The following GRID2 variants were observed in gnomAD, a reference collection of about 807,000 sequenced individuals.
GRID2 encodes the protein glutamate receptor ionotropic, delta-2.
In GRID2, 33 loss-of-function variants were observed where a neutral mutation model predicts 114.8. That is an observed-to-expected ratio of 0.29 (90% CI 0.22 to 0.38). The LOEUF (loss-of-function observed/expected upper bound fraction) is 0.38. GRID2 is among the 10% of genes least tolerant of loss of function. The probability of loss-of-function intolerance (pLI) is 1.00; values close to 1 mark genes in which losing one functional copy is unlikely to be tolerated. For missense variants in GRID2, 1,184 were observed against 1,257.7 expected, an observed-to-expected ratio of 0.94 and a Z score of 0.89; for synonymous variants, 505 against 449.9, an observed-to-expected ratio of 1.12 and a Z score of -1.55.
chr4:92,577,668 A>G (rs1727962478), intron 1 of GRID2, among the ~76,000 whole-genome samples: 1 of 152,172 alleles, frequency 6.6e-6, no homozygotes, highest in South Asian at 2.1e-4. Flanking sequence ...TCCAGTTGAA[A>G]GGACTACAGG....
intron 2 of GRID2, among the ~76,000 whole-genome samples, chr4:92,963,059 AC>A (rs1752925144): frequency 1.3e-5 from 2 of 152,136 alleles, no homozygotes; most frequent in South Asian, 4.1e-4. Context: ...GTCTAAAAAA[AC>A]AACATGAATA....
intron 1 of GRID2, among the ~76,000 whole-genome samples, chr4:92,568,826 T>C (rs1433395058): frequency 6.6e-6 from 1 of 152,072 alleles, no homozygotes; most frequent in Admixed American, 6.6e-5. Flanking sequence ...GTGCTATATT[T>C]GGTTTTCTGT....
intron 4 of GRID2, among the ~76,000 whole-genome samples, chr4:93,143,985 A>T (rs948102238): frequency 1.3e-5 from 2 of 152,202 alleles, no homozygotes; most frequent in Admixed American, 1.3e-4. Flanking sequence ...AATTATGAAC[A>T]ACTAAAGACA....
rs984660593 is a variant in GRID2, at chr4:93,727,814, T to C, written c.2361-41396T>C. 3.9e-5 allele frequency among the ~76,000 whole-genome samples: 6 copies of C among 152,364 alleles called. No homozygotes were observed. The East Asian group carries it at 9.6e-4, about 24-fold the overall frequency. On this transcript the variant is annotated intron_variant, in intron 14 of 15. Coordinates refer to ENST00000282020, the MANE Select transcript of GRID2 (RefSeq NM_001510.4). The stretch of plus-strand genomic sequence containing the variant: ...ATTCTCTGATGGTAGTTTGTATTTC[T>C]GGGGATCGGTGATGATATCCCCTTT...
At chr4:92,938,723 C>T (rs2149531415) in intron 2 of GRID2, among the ~76,000 whole-genome samples, 1 of 143,232 alleles carries the variant, frequency 7.0e-6, no homozygotes, top group Non-Finnish European at 1.5e-5. Context: ...CCAGCCCCCA[C>T]CCCACAACAG....
intron 13 of GRID2, among the ~76,000 whole-genome samples, chr4:93,516,240 G>T (rs1416079884): frequency 2.0e-5 from 3 of 152,094 alleles, no homozygotes; most frequent in Non-Finnish European, 4.4e-5. Context: ...CTCCAAGTCT[G>T]TGTTTCCTGT....
intron 8 of GRID2, among the ~76,000 whole-genome samples, chr4:93,374,406 A>C (rs1763193380): frequency 6.6e-6 from 1 of 152,258 alleles, no homozygotes; most frequent in Non-Finnish European, 1.5e-5. Context: ...ACAAAGGAAT[A>C]ATTGGTGGAT....
chr4:93,283,013 A>G (rs551108275), intron 8 of GRID2, among the ~76,000 whole-genome samples: 1 of 152,062 alleles, frequency 6.6e-6, no homozygotes, highest in Non-Finnish European at 1.5e-5. Flanking sequence ...TGCACTTATG[A>G]CCTAAACAGC....
At chr4:93,376,115 A>G (rs1763357060) in intron 8 of GRID2, among the ~76,000 whole-genome samples, 1 of 152,150 alleles carries the variant, frequency 6.6e-6, no homozygotes, top group Non-Finnish European at 1.5e-5. Context: ...TCACTTAACC[A>G]TAATTATCTT....
At chr4:92,944,888 T>G (rs1751502528) in intron 2 of GRID2, among the ~76,000 whole-genome samples, 1 of 152,176 alleles carries the variant, frequency 6.6e-6, no homozygotes, top group Admixed American at 6.6e-5. Context: ...AATGTATAGC[T>G]TCTAATGTTC....
At chr4:92,682,049 T>A (rs1264593324) in intron 2 of GRID2, among the ~76,000 whole-genome samples, 1 of 151,316 alleles carries the variant, frequency 6.6e-6, no homozygotes, top group Non-Finnish European at 1.5e-5. Context: ...AGAAAATCTT[T>A]GAGGCCATTG....
chr4:93,387,885 G>T (rs952998121), intron 8 of GRID2, among the ~76,000 whole-genome samples: 2 of 151,328 alleles, frequency 1.3e-5, no homozygotes, highest in Admixed American at 6.6e-5. Flanking sequence ...GTGTATTAAG[G>T]TTCTTGTTTA....
In GRID2 at chr4:93,145,471, A is replaced by ATTTAT. The variant is rs1241964792; in HGVS notation, c.735+34521_735+34522insATTTT. On this transcript the variant is annotated intron_variant, in intron 4 of 15. Transcript: ENST00000282020. ...TGTATTTGTATTTATTTATTTATTT[A>ATTTAT]TTTTTTTTTGAGACAGTTTCACTCT... Among the ~76,000 whole-genome samples, 15 of 144,800 alleles carry ATTTAT rather than the reference A, an allele frequency of 1.0e-4. No homozygotes were observed. The South Asian group carries it at 2.4e-3, about 23-fold the overall frequency. The allele number at this position is 144,800 out of a possible 152,430, so 95.0% of individuals were successfully genotyped here.
chr4:92,343,100 T>A (rs1560577053), intron 1 of GRID2, among the ~76,000 whole-genome samples: 1 of 152,158 alleles, frequency 6.6e-6, no homozygotes, highest in Non-Finnish European at 1.5e-5. Flanking sequence ...TAATTTATCA[T>A]TTCTTATTTA....
intron 2 of GRID2, among the ~76,000 whole-genome samples, chr4:92,629,673 G>T (rs1730693197): frequency 6.6e-6 from 1 of 151,790 alleles, no homozygotes; most frequent in Admixed American, 6.6e-5. Flanking sequence ...GTGTATATGG[G>T]AAAATGGGTT....
At chr4:93,400,102 C>A (rs947061118) in intron 9 of GRID2, among the ~76,000 whole-genome samples, 4 of 152,050 alleles carry the variant, frequency 2.6e-5, no homozygotes, top group African/African-American at 9.7e-5. Flanking sequence ...GATCAGAGAT[C>A]CTGGTTCCAC....
intron 1 of GRID2, among the ~76,000 whole-genome samples, chr4:92,349,994 A>G (rs1331466578): frequency 1.3e-5 from 2 of 151,886 alleles, no homozygotes; most frequent in South Asian, 2.1e-4. Context: ...TGGTTCTACT[A>G]TATGCATTTT....
intron 14 of GRID2, among the ~76,000 whole-genome samples, chr4:93,668,180 T>G (rs1420873645): frequency 1.3e-5 from 2 of 151,988 alleles, no homozygotes; most frequent in Admixed American, 1.3e-4. Flanking sequence ...CCTAAAGCTT[T>G]TCACTCAAGC....
At chr4:92,549,782 C>G (rs960089265) in intron 1 of GRID2, among the ~76,000 whole-genome samples, 1 of 152,038 alleles carries the variant, frequency 6.6e-6, no homozygotes, top group Non-Finnish European at 1.5e-5. Context: ...TTCTTAAAAT[C>G]CTAGTGGTCA....
Sources: allele counts gnomAD v4.1 joint callset (sites outside exome capture counted in the v4.1 genomes callset), GRCh38; gene constraint gnomAD v4.1.1; transcripts MANE v1.5; gene names NCBI Gene and HGNC (gene_info 2026-07-23, HGNC 2026-07-21).